Variants in UMAD1 observed in about 807,000 individuals in gnomAD.
UMAD1 encodes the protein UBAP1-MVB12-associated (UMA)-domain containing protein 1.
Under a neutral mutation model 6.1 loss-of-function variants are expected in UMAD1, and 8 were observed. The ratio of observed to expected loss-of-function variants is 1.30; its 90% CI spans 0.76 to 2.35. The LOEUF (loss-of-function observed/expected upper bound fraction) is 2.35, where lower values mean the gene tolerates loss of function less well. Ranked by LOEUF, UMAD1 falls within the 30% of genes most tolerant of loss-of-function variation. The probability of loss-of-function intolerance (pLI) is 0.00; values close to 1 mark genes in which losing one functional copy is unlikely to be tolerated. For synonymous variants in UMAD1, 56 were observed against 31.4 expected, an observed-to-expected ratio of 1.78 and a Z score of -2.61; for missense variants, 130 against 78.4, an observed-to-expected ratio of 1.66 and a Z score of -2.49.
At chr7:7,779,437 C>T (rs1782298997) in intron 2 of UMAD1, among the ~76,000 whole-genome samples, 2 of 151,760 alleles carry the variant, frequency 1.3e-5, no homozygotes, top group Admixed American at 1.3e-4. Context: ...AGCTAATTAA[C>T]AACAAAAAAA....
chr7:7,641,040 T>C (rs1583682429), intron 1 of UMAD1: 1 of 152,886 alleles, frequency 6.5e-6, no homozygotes, highest in African/African-American at 2.4e-5. Flanking sequence ...GTCGGGGTTG[T>C]GATACCCGCC....
chr7:7,724,203 C>T lies in UMAD1; in HGVS notation c.82+50750C>T, dbSNP rs550427131. ...AGTCCCTGAAATGCCTCATCATTTC[C>T]CTTTCTCCAATGCACGGTTGATCTG... is the stretch of plus-strand genomic sequence containing the variant. On this transcript the variant is annotated intron_variant, in intron 2 of 3. Coordinates refer to ENST00000682710, the MANE Select transcript of UMAD1 (RefSeq NM_001302348.2). 7.2e-5 allele frequency among the ~76,000 whole-genome samples: 11 copies of T among 152,048 alleles called. No homozygotes were observed. The South Asian group carries it at 1.9e-3, about 26-fold the overall frequency.
chr7:7,780,104 C>G (rs1365680530), intron 2 of UMAD1, among the ~76,000 whole-genome samples: 3 of 152,326 alleles, frequency 2.0e-5, no homozygotes, highest in South Asian at 2.1e-4. Context: ...TGTATATTTC[C>G]TGTACATTTC....
intron 2 of UMAD1, among the ~76,000 whole-genome samples, chr7:7,789,265 G>A (rs1301658931): frequency 3.9e-5 from 6 of 151,928 alleles, no homozygotes; most frequent in Non-Finnish European, 7.4e-5. Flanking sequence ...CCAATTCTAT[G>A]GCTGAGAGAA....
chr7:7,720,905 G>T (rs533695919), intron 2 of UMAD1, among the ~76,000 whole-genome samples: 6 of 152,278 alleles, frequency 3.9e-5, no homozygotes, highest in African/African-American at 1.2e-4. Flanking sequence ...AATATAATCT[G>T]TTTGCAGATG....
intron 1 of UMAD1, among the ~76,000 whole-genome samples, chr7:7,665,514 A>G (rs1779421637): frequency 6.6e-6 from 1 of 152,226 alleles, no homozygotes. Context: ...GTGTCAATAA[A>G]TTTTTAAAGA....
intron 3 of UMAD1, among the ~76,000 whole-genome samples, chr7:7,824,026 A>G (rs1336852791): frequency 6.6e-6 from 1 of 152,168 alleles, no homozygotes; most frequent in Admixed American, 6.6e-5. Flanking sequence ...AAGTGGATAA[A>G]AAGTGACTAT....
chr7:7,860,604 CAAAAA>C (rs373823869), intron 3 of UMAD1, among the ~76,000 whole-genome samples: 26 of 93,842 alleles, frequency 2.8e-4, no homozygotes, highest in Middle Eastern at 6.8e-3. Flanking sequence ...ACTAAAAATA[CAAAAA>C]AAAAAAAAAA....
chr7:7,740,411 A>G (rs1054858606), intron 2 of UMAD1, among the ~76,000 whole-genome samples: 3 of 152,206 alleles, frequency 2.0e-5, no homozygotes, highest in Non-Finnish European at 4.4e-5. Context: ...AAAAACAACT[A>G]AATCCTTCTT....
intron 2 of UMAD1, among the ~76,000 whole-genome samples, chr7:7,788,302 G>A (rs1006123990): frequency 6.6e-6 from 1 of 152,188 alleles, no homozygotes; most frequent in African/African-American, 2.4e-5. Context: ...TGAAGATTGA[G>A]TACATATTGT....
chr7:7,776,770 C>T (rs1216465666), intron 2 of UMAD1, among the ~76,000 whole-genome samples: 2 of 152,142 alleles, frequency 1.3e-5, no homozygotes, highest in Non-Finnish European at 2.9e-5. Context: ...AATTTCTGAT[C>T]ACCCTATCTA....
chr7:7,802,469 G>T (rs1471609507), intron 3 of UMAD1, among the ~76,000 whole-genome samples: 1 of 152,118 alleles, frequency 6.6e-6, no homozygotes, highest in Non-Finnish European at 1.5e-5. Context: ...AGAAAAACTA[G>T]GGTATTTATT....
chr7:7,836,216 G>A (rs1783567230), intron 3 of UMAD1, among the ~76,000 whole-genome samples: 2 of 151,792 alleles, frequency 1.3e-5, no homozygotes, highest in South Asian at 2.1e-4. Context: ...CTTAATTTTA[G>A]TGGTAAACGT....
chr7:7,750,059 T>C lies in UMAD1; in HGVS notation c.83-51611T>C, dbSNP rs555957579. Among the ~76,000 whole-genome samples, 9 of 152,312 alleles carry C rather than the reference T, an allele frequency of 5.9e-5. No individual in the cohort carries two copies. In the East Asian group the frequency reaches 1.7e-3, roughly 29 times the overall value. On this transcript the variant is annotated intron_variant, in intron 2 of 3. Transcript: ENST00000682710. ...GCTAGAATGGTGAGAAGCAGTGGTC[T>C]ATAATGTAAGGAGGAATATTAGCAA...
At chr7:7,814,392 C>G (rs1365586586) in intron 3 of UMAD1, among the ~76,000 whole-genome samples, 1 of 152,068 alleles carries the variant, frequency 6.6e-6, no homozygotes, top group East Asian at 1.9e-4. Flanking sequence ...TTTCCATTGG[C>G]TAGGGGGAAG....
At chr7:7,712,642 C>T (rs1292547063) in intron 2 of UMAD1, among the ~76,000 whole-genome samples, 1 of 152,088 alleles carries the variant, frequency 6.6e-6, no homozygotes, top group Non-Finnish European at 1.5e-5. Context: ...AGTTTTGTTT[C>T]ATTCAAATCC....
At chr7:7,663,604 ATGAATC>A (rs148440372) in intron 1 of UMAD1, among the ~76,000 whole-genome samples, 3,381 of 152,302 alleles carry the variant, frequency 0.022, 133 homozygotes, top group African/African-American at 0.078. Flanking sequence ...GGTCTCTACT[ATGAATC>A]TAAAATCTGT....
intron 3 of UMAD1, among the ~76,000 whole-genome samples, chr7:7,831,187 C>T (rs906385736): frequency 6.6e-6 from 1 of 152,096 alleles, no homozygotes; most frequent in Non-Finnish European, 1.5e-5. Flanking sequence ...ATTAGTTTTA[C>T]TCTGTTTTAG....
At chr7:7,733,293 G>A (rs1386241878) in intron 2 of UMAD1, among the ~76,000 whole-genome samples, 1 of 152,114 alleles carries the variant, frequency 6.6e-6, no homozygotes. Flanking sequence ...TAGGCTTTAA[G>A]TATGCCCTGA....
Sources: gnomAD v4.1 joint callset for allele counts (sites outside exome capture counted in the v4.1 genomes callset) on GRCh38, gnomAD v4.1.1 for gene constraint, MANE v1.5 for transcripts, NCBI Gene and HGNC (gene_info 2026-07-23, HGNC 2026-07-21) for gene names.